LTBP1: variants seen among roughly 807,000 people sequenced by gnomAD.
The protein encoded by LTBP1 is latent-transforming growth factor beta-binding protein 1.
LTBP1 carries 129 observed loss-of-function variants against 207.6 expected under a neutral mutation model. The ratio of observed to expected loss-of-function variants is 0.62; its 90% CI spans 0.54 to 0.72. The LOEUF is 0.72. Ranked by LOEUF, LTBP1 falls within the 30% of genes least tolerant of loss-of-function variation. The pLI is 0.00. For missense variants in LTBP1, 2,281 were observed against 2,217.2 expected (o/e 1.03, Z -0.58); for synonymous variants, 963 against 833.7 (o/e 1.16, Z -2.67).
intron 10 of LTBP1, among the ~76,000 whole-genome samples, chr2:33,244,183 T>C (rs2092432045): frequency 6.6e-6 from 1 of 152,230 alleles, no homozygotes; most frequent in South Asian, 2.1e-4. Flanking sequence ...GTGTCCCAGC[T>C]TCTGCCTTTA....
intron 19 of LTBP1, among the ~76,000 whole-genome samples, chr2:33,283,187 A>T (rs188772520): frequency 2.2e-3 from 330 of 152,120 alleles, no homozygotes; most frequent in Non-Finnish European, 3.6e-3. Context: ...AATATATAGG[A>T]TGTCAGATGT....
chr2:33,199,516 T>A (rs1573126396), intron 7 of LTBP1, among the ~76,000 whole-genome samples: 1 of 152,144 alleles, frequency 6.6e-6, no homozygotes, highest in African/African-American at 2.4e-5. Context: ...ACAGCCAATA[T>A]CATACTGAAT....
intron 20 of LTBP1, among the ~76,000 whole-genome samples, chr2:33,297,604 G>C (rs960377203): frequency 2.0e-5 from 3 of 151,816 alleles, no homozygotes; most frequent in Non-Finnish European, 4.4e-5. Flanking sequence ...GCTAATTTTT[G>C]TATTTTTAGT....
intron 26 of LTBP1, among the ~76,000 whole-genome samples, chr2:33,351,158 C>T (rs144964514): frequency 6.4e-4 from 98 of 152,268 alleles, no homozygotes; most frequent in African/African-American, 2.2e-3. Flanking sequence ...TAATACAGTT[C>T]GCTAATACAT....
At chr2:33,361,344 G>A in intron 27 of LTBP1, 85 bp from the exon 28 acceptor site, 2 of 810,604 alleles carry the variant, frequency 2.5e-6, no homozygotes, top group Non-Finnish European at 2.0e-6. Flanking sequence ...AAGTTACTGA[G>A]TCTGAGAAAG....
chr2:33,016,214 G>A (rs907692555), intron 2 of LTBP1, among the ~76,000 whole-genome samples: 1 of 152,176 alleles, frequency 6.6e-6, no homozygotes, highest in Non-Finnish European at 1.5e-5. Context: ...AATCCCAGAG[G>A]TTGGGTGAGC....
intron 32 of LTBP1, among the ~76,000 whole-genome samples, chr2:33,395,571 C>T (rs1170637696): frequency 6.6e-6 from 1 of 152,154 alleles, no homozygotes; most frequent in African/African-American, 2.4e-5. Context: ...ACCTATCTCC[C>T]CTCAGGGCAC....
chr2:33,352,716 G>C (rs1459670890), intron 26 of LTBP1, among the ~76,000 whole-genome samples: 3 of 152,088 alleles, frequency 2.0e-5, no homozygotes, highest in African/African-American at 7.2e-5. Context: ...ATAGATATCG[G>C]TTTAAATCGT....
chr2:33,263,369 T>C lies in LTBP1; in HGVS notation c.2594T>C (p.Val865Ala). 6.2e-7 allele frequency: 1 copy of C among 1,613,706 alleles called. No homozygotes were observed. Among genetic ancestry groups the C allele is most frequent in the Non-Finnish European group, 8.5e-7 (1 of 1,179,758 alleles). The change falls in exon 15 of 34, where the codon GTG becomes GCG. Residue 865 changes from valine to alanine, a missense_variant. By Grantham distance (64) the Val-to-Ala change is moderately conservative. Around this residue, in one of 3 missense-constraint regions of LTBP1, gnomAD observed 1,671 missense variants for 1,634.8 expected, o/e 1.02. Transcript: ENST00000404816. ...PEASTSSASQ[V>A]IAPTQVTEIN... ...GCTTCTACGTCTAGTGCCAGCCAAGTGATTGCTCCTACTCAAGTGACAGGT... is the reference window on the plus strand; with the variant it reads ...GCTTCTACGTCTAGTGCCAGCCAAGCGATTGCTCCTACTCAAGTGACAGGT...
chr2:33,177,885 G>A (rs1234224686), intron 5 of LTBP1, among the ~76,000 whole-genome samples: 1 of 152,140 alleles, frequency 6.6e-6, no homozygotes, highest in African/African-American at 2.4e-5. Flanking sequence ...CACTCATCTA[G>A]GCTTTACAAA....
At chr2:33,073,424 G>C (rs1208425948) in intron 3 of LTBP1, among the ~76,000 whole-genome samples, 1 of 151,988 alleles carries the variant, frequency 6.6e-6, no homozygotes, top group Non-Finnish European at 1.5e-5. Flanking sequence ...ATTTAAATAG[G>C]AAATCACCCC....
At chr2:33,277,141 C>G (rs1340983244) in intron 18 of LTBP1, among the ~76,000 whole-genome samples, 3 of 152,196 alleles carry the variant, frequency 2.0e-5, no homozygotes, top group Non-Finnish European at 2.9e-5. Context: ...CTTCACTGCT[C>G]TAATGACCCA....
Position 33,361,605 on chromosome 2 carries a change from GTTC to G in LTBP1, c.4270+93_4270+95del, listed in dbSNP as rs530870097. Reference sequence around the variant, plus strand: ...ATGGCTTGGGTTTCACAGAATTAGAGTTCTTTTTAGTCATGAAAACTGATTACA... The same window carrying G: ...ATGGCTTGGGTTTCACAGAATTAGAGTTTTTAGTCATGAAAACTGATTACA... On this transcript the variant is annotated intron_variant, in intron 28 of 33. Coordinates refer to ENST00000404816, the MANE Select transcript of LTBP1 (RefSeq NM_206943.4). 3.9e-4 allele frequency: 337 copies of G among 875,094 alleles called. 1 individual carries two copies. The highest frequency in any genetic ancestry group is 5.5e-4 in the Non-Finnish European group (304 of 556,830). The allele number at this position is 875,094 out of a possible 1,614,324, so 54.2% of individuals were successfully genotyped here.
rs1000516395 is a variant in LTBP1, at chr2:33,221,985, A to T, written c.1805-95A>T. ...TCTTATATTAATAAATGAATAAGTA[A>T]GTTTGCTGATGCCTTAAATGGCTTC... On this transcript the variant is annotated intron_variant, in intron 8 of 33. Transcript: ENST00000404816. The T allele has an allele frequency of 5.2e-6, 4 of 773,844 alleles. No individual in the cohort carries two copies. The African/African-American group carries it at 6.8e-5, about 13-fold the overall frequency. The allele number at this position is 773,844 out of a possible 1,614,324, so 47.9% of individuals were successfully genotyped here.
intron 11 of LTBP1, among the ~76,000 whole-genome samples, chr2:33,255,424 C>T (rs920049752): frequency 2.6e-5 from 4 of 151,970 alleles, no homozygotes; most frequent in Admixed American, 6.5e-5. Flanking sequence ...GTCAGTGTGG[C>T]GATTCCTCAG....
At chr2:33,129,567 T>G (rs2081639393) in intron 4 of LTBP1, among the ~76,000 whole-genome samples, 1 of 152,242 alleles carries the variant, frequency 6.6e-6, no homozygotes, top group African/African-American at 2.4e-5. Context: ...CTGTTTTTCT[T>G]TTCAAAAGTA....
chr2:33,099,613 T>C (rs1286465528), intron 3 of LTBP1, among the ~76,000 whole-genome samples: 1 of 152,166 alleles, frequency 6.6e-6, no homozygotes, highest in East Asian at 1.9e-4. Context: ...TTGGTAACAT[T>C]TGAGTTAGGG....
At chr2:33,077,768 A>C (rs1012807615) in intron 3 of LTBP1, among the ~76,000 whole-genome samples, 4 of 152,238 alleles carry the variant, frequency 2.6e-5, no homozygotes, top group African/African-American at 9.6e-5. Context: ...AACCAAGCCC[A>C]AAACTCTCAA....
chr2:33,221,226 T>G (rs2091079840), intron 8 of LTBP1, among the ~76,000 whole-genome samples: 1 of 152,192 alleles, frequency 6.6e-6, no homozygotes, highest in East Asian at 1.9e-4. Flanking sequence ...ATGAATTATC[T>G]CTAAATTGCA....
Sources: gnomAD v4.1 joint callset for allele counts (sites outside exome capture counted in the v4.1 genomes callset) on GRCh38, gnomAD v4.1.1 for gene constraint, gnomAD v4.1.1 regional missense constraint, MANE v1.5 for transcripts, NCBI Gene and HGNC (gene_info 2026-07-23, HGNC 2026-07-21) for gene names.